TMEM272: variants seen among roughly 807,000 people sequenced by gnomAD.
The protein encoded by TMEM272 is long intergenic non-protein coding RNA 282.
Under a neutral mutation model 3.7 loss-of-function variants are expected in TMEM272, and 8 were observed. That is an observed-to-expected ratio of 2.17 (90% confidence interval 1.27 to 3.91). TMEM272 has a LOEUF of 3.91. Among genes scored for constraint, TMEM272 ranks in the 30% most tolerant of loss-of-function variants. The pLI, the probability that TMEM272 is intolerant of heterozygous loss-of-function variation, is 0.00. For missense variants in TMEM272, 166 were observed against 91.5 expected, an observed-to-expected ratio of 1.81 and a Z score of -3.32; for synonymous variants, 63 against 39.8, an observed-to-expected ratio of 1.58 and a Z score of -2.20.
the TMEM272 span, among the ~76,000 whole-genome samples, chr13:51,891,941 AAT>A: frequency 6.6e-6 from 1 of 152,162 alleles, no homozygotes; most frequent in Non-Finnish European, 1.5e-5. Context: ...ATTTTTTGAA[AAT>A]ATGTGTAAAC....
the TMEM272 span, among the ~76,000 whole-genome samples, chr13:51,881,175 GTCAC>G: frequency 2.0e-5 from 3 of 152,168 alleles, no homozygotes; most frequent in South Asian, 6.2e-4. Flanking sequence ...AGGGATTTAG[GTCAC>G]ACATGCTGAG....
the TMEM272 span, among the ~76,000 whole-genome samples, chr13:51,850,290 T>C: frequency 6.6e-6 from 1 of 152,218 alleles, no homozygotes; most frequent in Admixed American, 6.5e-5. Flanking sequence ...GATTTCCTTA[T>C]AATATTTATA....
the TMEM272 span, among the ~76,000 whole-genome samples, chr13:51,878,429 AAAAAC>A: frequency 2.6e-5 from 4 of 152,110 alleles, no homozygotes; most frequent in African/African-American, 9.7e-5. Context: ...GACTCTGTCA[AAAAAC>A]AAAACAAAAC....
chr13:51,864,080 T>G, the TMEM272 span, among the ~76,000 whole-genome samples: 18 of 146,402 alleles, frequency 1.2e-4, no homozygotes, highest in African/African-American at 4.0e-4. Flanking sequence ...CTTCCCTCCC[T>G]CCCTTCCTTC....
At chr13:51,869,606 C>T in the TMEM272 span, among the ~76,000 whole-genome samples, 4 of 152,048 alleles carry the variant, frequency 2.6e-5, no homozygotes, top group African/African-American at 9.7e-5. Flanking sequence ...TCTCCTGCCT[C>T]AGCCTCCTGA....
the TMEM272 span, among the ~76,000 whole-genome samples, chr13:51,892,442 C>G: frequency 2.0e-5 from 3 of 152,116 alleles, no homozygotes; most frequent in Non-Finnish European, 4.4e-5. Flanking sequence ...GCTTTCAGAC[C>G]CATTACCCAC....
At chr13:51,844,005 T>A (rs1037277193) in intron 1 of TMEM272, among the ~76,000 whole-genome samples, 11 of 152,124 alleles carry the variant, frequency 7.2e-5, no homozygotes, top group Non-Finnish European at 1.5e-4. Context: ...GGGCTGTCGA[T>A]AAAGAGACCA....
intron 4 of TMEM272, among the ~76,000 whole-genome samples, chr13:51,818,483 G>C (rs567543410): frequency 1.3e-5 from 2 of 152,170 alleles, no homozygotes; most frequent in Non-Finnish European, 2.9e-5. Context: ...GAGATCTGGG[G>C]GTTACCCGTG....
At chr13:51,831,250 C>A (rs1316075091) in intron 2 of TMEM272, among the ~76,000 whole-genome samples, 1 of 152,100 alleles carries the variant, frequency 6.6e-6, no homozygotes, top group African/African-American at 2.4e-5. Flanking sequence ...GGCAAAACCC[C>A]GTCTCTACAA....
chr13:51,817,235 G>T, intron 4 of TMEM272, 122 bp from the exon 5 acceptor site: 2 of 587,722 alleles, frequency 3.4e-6, no homozygotes, highest in South Asian at 2.1e-5. Context: ...AGAGAGGAAG[G>T]TGTTATGAAA....
the TMEM272 span, among the ~76,000 whole-genome samples, chr13:51,897,918 C>T: frequency 1.9e-5 from 1 of 52,482 alleles, no homozygotes; most frequent in East Asian, 7.6e-4. Context: ...CAGGGTGAGA[C>T]TCCATCTCAA....
At chr13:51,854,617 T>C in the TMEM272 span, among the ~76,000 whole-genome samples, 1 of 152,230 alleles carries the variant, frequency 6.6e-6, no homozygotes, top group Non-Finnish European at 1.5e-5. Flanking sequence ...GGTTCAAATC[T>C]AGGCTCTACT....
intron 2 of TMEM272, among the ~76,000 whole-genome samples, chr13:51,836,332 T>C (rs1196612075): frequency 2.0e-5 from 3 of 152,246 alleles, no homozygotes; most frequent in African/African-American, 7.2e-5. Context: ...TTCTGTTTGT[T>C]ATAAACTACC....
chr13:51,909,790 C>G, the TMEM272 span: 1 of 1,585,884 alleles, frequency 6.3e-7, no homozygotes, highest in African/African-American at 1.3e-5. Flanking sequence ...AGCACAGCAG[C>G]CTGATCTTTG....
chr13:51,909,310 C>G, the TMEM272 span: 1 of 941,268 alleles, frequency 1.1e-6, no homozygotes, highest in Admixed American at 1.8e-5. Context: ...CTCTCAAGTT[C>G]TTCTTCAAGA....
At chr13:51,927,809 T>C in the TMEM272 span, among the ~76,000 whole-genome samples, 3 of 152,280 alleles carry the variant, frequency 2.0e-5, no homozygotes, top group South Asian at 2.1e-4. Context: ...TAATGATGAC[T>C]GCCTTTTATG....
the TMEM272 span, among the ~76,000 whole-genome samples, chr13:51,872,858 T>C: frequency 5.3e-5 from 8 of 152,364 alleles, no homozygotes; most frequent in African/African-American, 1.9e-4. Context: ...TTAGACGAAT[T>C]ATCAAGAATG....
the TMEM272 span, among the ~76,000 whole-genome samples, chr13:51,926,682 C>T: frequency 2.7e-5 from 4 of 149,244 alleles, no homozygotes; most frequent in Admixed American, 6.7e-5. Flanking sequence ...CGCACGCACA[C>T]GCACAGTGGG....
chr13:51,865,244 A>T, the TMEM272 span: 1 of 644,074 alleles, frequency 1.6e-6, no homozygotes, highest in Non-Finnish European at 2.6e-6. Context: ...AGCAGTGATT[A>T]CATTTTCTCA....
Sources: gnomAD v4.1 joint callset for allele counts (sites outside exome capture counted in the v4.1 genomes callset) on GRCh38, gnomAD v4.1.1 for gene constraint, MANE v1.5 for transcripts, NCBI Gene and HGNC (gene_info 2026-07-23, HGNC 2026-07-21) for gene names.